The following RAB11FIP4 variants were observed in gnomAD, a reference collection of about 807,000 sequenced individuals.
RAB11FIP4 encodes RAB11 family interacting protein 4.
In RAB11FIP4, 23 loss-of-function variants were observed where a neutral mutation model predicts 74.3. That is an observed-to-expected ratio of 0.31 (90% CI 0.22 to 0.44). The LOEUF is 0.44. RAB11FIP4 is among the 20% of genes least tolerant of loss of function. The probability of loss-of-function intolerance (pLI) is 1.00; values close to 1 mark genes in which losing one functional copy is unlikely to be tolerated. For synonymous variants in RAB11FIP4, 360 were observed against 359.9 expected (o/e 1.00, Z 0.00); for missense variants, 630 against 863.9 (o/e 0.73, Z 3.39).
At chr17:31,459,220 A>G (rs1567663169) in intron 3 of RAB11FIP4, among the ~76,000 whole-genome samples, 1 of 152,006 alleles carries the variant, frequency 6.6e-6, no homozygotes, top group Non-Finnish European at 1.5e-5. Context: ...TGTCAGAGAG[A>G]TCTACGAGTA....
intron 1 of RAB11FIP4, among the ~76,000 whole-genome samples, chr17:31,411,297 G>C (rs1368294119): frequency 2.6e-5 from 4 of 152,230 alleles, no homozygotes; most frequent in African/African-American, 9.6e-5. Flanking sequence ...CTGGGAGGCA[G>C]AGGTTGCAGT....
At chr17:31,455,789 A>G (rs1218295574) in intron 3 of RAB11FIP4, among the ~76,000 whole-genome samples, 2 of 152,160 alleles carry the variant, frequency 1.3e-5, no homozygotes, top group African/African-American at 4.8e-5. Context: ...GGAAACTTTA[A>G]TCTAGGCTGA....
intron 3 of RAB11FIP4, among the ~76,000 whole-genome samples, chr17:31,465,061 G>T (rs971117230): frequency 8.6e-5 from 13 of 152,022 alleles, no homozygotes; most frequent in African/African-American, 2.9e-4. Context: ...GCCTGGCCTG[G>T]ATATTCTCAT....
chr17:31,437,939 G>A (rs1376282832), intron 3 of RAB11FIP4, among the ~76,000 whole-genome samples: 15 of 152,116 alleles, frequency 9.9e-5, no homozygotes, highest in Admixed American at 5.9e-4. Context: ...CTCCACCTGC[G>A]TCCCCAGAGC....
chr17:31,392,109 C>T (rs1014416477), intron 1 of RAB11FIP4, 98 bp downstream of exon 1: 3 of 918,198 alleles, frequency 3.3e-6, no homozygotes, highest in Non-Finnish European at 4.1e-6. Flanking sequence ...TGGCCCGAGG[C>T]GGTGGCCTCC....
rs1301859367 is a variant in RAB11FIP4 at position 31,531,708 on chromosome 17, C to A, written c.1890C>A (p.Pro630=). Residue 630 remains proline, a synonymous_variant, in exon 15 of 15, where the codon CCC becomes CCA. Coordinates refer to ENST00000621161, the MANE Select transcript of RAB11FIP4 (RefSeq NM_032932.6). ...KIILAILDHN[P]SILEIKH ...TCCTCGCCATCCTGGACCACAATCC[C>A]TCCATCCTCGAGATCAAACACTAAG... 3 of 1,613,754 alleles carry A rather than the reference C, an allele frequency of 1.9e-6. No homozygotes were observed. Among genetic ancestry groups the A allele is most frequent in the African/African-American group, 2.7e-5 (2 of 75,048 alleles).
At chr17:31,423,655 A>G (rs2151624715) in intron 1 of RAB11FIP4, among the ~76,000 whole-genome samples, 1 of 151,850 alleles carries the variant, frequency 6.6e-6, no homozygotes, top group Middle Eastern at 3.4e-3. Context: ...GATCCACCCC[A>G]AGTATACATA....
At chr17:31,420,618 C>CA (rs1159147335) in intron 1 of RAB11FIP4, among the ~76,000 whole-genome samples, 4,008 of 146,258 alleles carry the variant, frequency 0.027, 163 homozygotes, top group African/African-American at 0.094. Flanking sequence ...TTAATCTTTT[C>CA]AAAAAAAAAA....
chr17:31,530,600 A>C, intron 14 of RAB11FIP4, 131 bp downstream of exon 14: 25 of 1,182,184 alleles, frequency 2.1e-5, no homozygotes, highest in African/African-American at 3.1e-5. Flanking sequence ...GCTACCCCAC[A>C]TGACAGGGCA....
At chr17:31,506,910 A>AT (rs1182263741) in intron 3 of RAB11FIP4, among the ~76,000 whole-genome samples, 2 of 152,172 alleles carry the variant, frequency 1.3e-5, no homozygotes, top group Admixed American at 6.5e-5. Context: ...TAGTAGATGA[A>AT]TTGTTGGATC....
chr17:31,403,182 C>T (rs1337663524), intron 1 of RAB11FIP4, among the ~76,000 whole-genome samples: 1 of 146,220 alleles, frequency 6.8e-6, no homozygotes, highest in Non-Finnish European at 1.5e-5. Flanking sequence ...CTGCCCAGTA[C>T]ACCCCAGGCA....
intron 3 of RAB11FIP4, among the ~76,000 whole-genome samples, chr17:31,490,089 G>A (rs2071979516): frequency 6.6e-6 from 1 of 152,208 alleles, no homozygotes; most frequent in South Asian, 2.1e-4. Flanking sequence ...CTCCTTTGGG[G>A]TTCCAGGGGC....
intron 3 of RAB11FIP4, among the ~76,000 whole-genome samples, chr17:31,441,986 T>C (rs2071410550): frequency 6.6e-6 from 1 of 152,056 alleles, no homozygotes; most frequent in Non-Finnish European, 1.5e-5. Context: ...AGTTTCTTAT[T>C]GTTGGGCGTA....
intron 3 of RAB11FIP4, among the ~76,000 whole-genome samples, chr17:31,444,855 T>G (rs2071436882): frequency 6.6e-6 from 1 of 152,202 alleles, no homozygotes; most frequent in Admixed American, 6.5e-5. Flanking sequence ...TAGACTTTGA[T>G]CCCTCCCCTT....
intron 5 of RAB11FIP4, 39 bp from the exon 6 acceptor site, chr17:31,521,876 C>T (rs1306147901): frequency 1.9e-6 from 3 of 1,612,636 alleles, no homozygotes; most frequent in East Asian, 4.5e-5. Context: ...CCAGACTGGA[C>T]AGCAGTTAAG....
At chr17:31,463,952 A>G (rs2071658708) in intron 3 of RAB11FIP4, among the ~76,000 whole-genome samples, 1 of 150,810 alleles carries the variant, frequency 6.6e-6, no homozygotes, top group African/African-American at 2.4e-5. Flanking sequence ...AGCTGGGACT[A>G]CAGGTGCATG....
At position 31,442,437 on chromosome 17, in the gene RAB11FIP4, C is replaced by T. The variant is rs186466299; in HGVS notation, c.336+8315C>T. Among the ~76,000 whole-genome samples, 546 of 152,334 alleles carry T rather than the reference C, an allele frequency of 3.6e-3. 4 individuals are homozygous for T. The highest frequency in any genetic ancestry group is 0.012 in the African/African-American group (517 of 41,566). ...AGAGGTTGGCAAATTACAGACCCCACGAGCCAAATCTAGGAGCTTGTTATT... is the reference window on the plus strand; with the variant it reads ...AGAGGTTGGCAAATTACAGACCCCATGAGCCAAATCTAGGAGCTTGTTATT... On this transcript the variant is annotated intron_variant, in intron 3 of 14. Transcript: ENST00000621161.
chr17:31,400,882 C>G (rs529730199), intron 1 of RAB11FIP4, among the ~76,000 whole-genome samples: 1 of 152,176 alleles, frequency 6.6e-6, no homozygotes, highest in Non-Finnish European at 1.5e-5. Context: ...GCTCTTTCTC[C>G]CTTTCCTTCT....
chr17:31,416,664 A>G (rs1390108314), intron 1 of RAB11FIP4, among the ~76,000 whole-genome samples: 4 of 152,226 alleles, frequency 2.6e-5, no homozygotes, highest in Non-Finnish European at 5.9e-5. Context: ...GGAGAGGGCC[A>G]GAGCCCCTGC....
Sources: allele counts gnomAD v4.1 joint callset (sites outside exome capture counted in the v4.1 genomes callset), GRCh38; gene constraint gnomAD v4.1.1; transcripts MANE v1.5; gene names NCBI Gene and HGNC (gene_info 2026-07-23, HGNC 2026-07-21).